The following WDTC1 variants were observed in gnomAD, a reference collection of about 807,000 sequenced individuals.
WDTC1 encodes WD and tetratricopeptide repeats protein 1.
A neutral mutation model predicts 76.0 loss-of-function variants in WDTC1; 12 were observed. The observed-to-expected ratio is 0.16, with a 90% CI of 0.10 to 0.26. The LOEUF is 0.26. WDTC1 is among the 10% of genes least tolerant of loss of function. WDTC1 has a pLI of 1.00. For synonymous variants in WDTC1, 326 were observed against 350.8 expected, an observed-to-expected ratio of 0.93 and a Z score of 0.79; for missense variants, 511 against 908.8, an observed-to-expected ratio of 0.56 and a Z score of 5.63.
intron 3 of WDTC1, among the ~76,000 whole-genome samples, chr1:27,281,753 C>A (rs1406910240): frequency 6.6e-6 from 1 of 152,032 alleles, no homozygotes; most frequent in Admixed American, 6.6e-5. Flanking sequence ...CCACACCCAA[C>A]TAATTTTTGT....
chr1:27,247,834 T>G (rs1225987501), intron 1 of WDTC1, among the ~76,000 whole-genome samples: 1 of 151,858 alleles, frequency 6.6e-6, no homozygotes, highest in Non-Finnish European at 1.5e-5. Context: ...TTCTCCTGCC[T>G]CAGCCTCCCA....
intron 3 of WDTC1, among the ~76,000 whole-genome samples, chr1:27,280,608 TAGAG>T (rs955129701): frequency 2.0e-5 from 3 of 152,246 alleles, no homozygotes; most frequent in African/African-American, 7.2e-5. Context: ...TTTAAGAAGT[TAGAG>T]AGAAGCACTT....
chr1:27,288,016 A>G (rs1360219081), intron 6 of WDTC1, among the ~76,000 whole-genome samples, 155 bp downstream of exon 6: 1 of 152,120 alleles, frequency 6.6e-6, no homozygotes, highest in East Asian at 1.9e-4. Flanking sequence ...CACTGGGAAC[A>G]TTTGCTTACT....
rs2013964454 is a variant in WDTC1, at chr1:27,306,685, C to T, written c.*302C>T. The T allele has an allele frequency of 2.3e-6, 1 of 426,780 alleles. No individual in the cohort carries two copies. The highest frequency in any genetic ancestry group is 4.5e-5 in the East Asian group (1 of 22,374). 26.4% of individuals were successfully genotyped at this position (426,780 alleles called of 1,614,324 possible). A position where few individuals can be genotyped will look rare whatever the true frequency, so the allele number is the denominator to read the frequency against. ...TGGAGGGCTCTGGCCTGCCTCAAAACCCCTTCTGCCTCAGGTGGGGAGGAA... is the reference window on the plus strand; with the variant it reads ...TGGAGGGCTCTGGCCTGCCTCAAAATCCCTTCTGCCTCAGGTGGGGAGGAA... On this transcript the variant is annotated 3_prime_UTR_variant, in exon 16 of 16. Coordinates refer to ENST00000319394, the MANE Select transcript of WDTC1 (RefSeq NM_001276252.2). This position sits in a 1 kb window ranked among gnomAD's most constrained non-coding sequence, Gnocchi z 5.0.
intron 1 of WDTC1, among the ~76,000 whole-genome samples, chr1:27,254,605 G>A (rs1272638931): frequency 4.6e-5 from 7 of 151,532 alleles, no homozygotes; most frequent in Non-Finnish European, 7.4e-5. Flanking sequence ...AAAAAAAAAA[G>A]AATGCTAAGT....
chr1:27,265,242 A>G (rs549543102), intron 3 of WDTC1, among the ~76,000 whole-genome samples: 64 of 152,264 alleles, frequency 4.2e-4, no homozygotes, highest in African/African-American at 1.4e-3. Flanking sequence ...TTTTTTTCAT[A>G]TACTTCAACC....
Position 27,305,554 on chromosome 1 carries a change from G to A in WDTC1, c.1836+361G>A, listed in dbSNP as rs991074896. On this transcript the variant is annotated intron_variant, in intron 15 of 15. Coordinates refer to ENST00000319394, the MANE Select transcript of WDTC1 (RefSeq NM_001276252.2). This position sits in a 1 kb window ranked among gnomAD's most constrained non-coding sequence, Gnocchi z 4.6. ...TGACAGCACCACCTTGAAAGGTTGT[G>A]GTGAGAAGTAAAGAAGAGATGCCTG... is the stretch of plus-strand genomic sequence containing the variant. Among the ~76,000 whole-genome samples the A allele has an allele frequency of 6.6e-6, 1 of 152,146 alleles. No individual in the cohort carries two copies. Among genetic ancestry groups the A allele is most frequent in the African/African-American group, 2.4e-5 (1 of 41,422 alleles).
At chr1:27,254,911 G>A (rs2012224589) in intron 1 of WDTC1, among the ~76,000 whole-genome samples, 1 of 151,652 alleles carries the variant, frequency 6.6e-6, no homozygotes, top group South Asian at 2.1e-4. Flanking sequence ...ACAGGCGTAA[G>A]CCACCGTGCC....
intron 11 of WDTC1, 84 bp from the exon 12 acceptor site, chr1:27,297,854 G>A (rs2013733316): frequency 1.4e-6 from 2 of 1,420,294 alleles, no homozygotes; most frequent in Non-Finnish European, 1.9e-6. Context: ...AAATCTGGGT[G>A]GCCCTCAGGC....
intron 1 of WDTC1, among the ~76,000 whole-genome samples, chr1:27,258,556 AGAAAG>A (rs1235817123): frequency 1.3e-5 from 2 of 151,798 alleles, no homozygotes; most frequent in Non-Finnish European, 1.5e-5. Context: ...AAAAAAGAAA[AGAAAG>A]GGAGGGAGGG....
intron 3 of WDTC1, among the ~76,000 whole-genome samples, chr1:27,278,747 C>T (rs1370586132): frequency 6.6e-6 from 1 of 152,212 alleles, no homozygotes; most frequent in East Asian, 1.9e-4. Context: ...TGCTACTTCT[C>T]AGCATTCAGA....
At chr1:27,263,078 G>C in intron 2 of WDTC1, 74 bp from the exon 3 acceptor site, 1 of 1,520,310 alleles carries the variant, frequency 6.6e-7, no homozygotes, top group African/African-American at 1.4e-5. Flanking sequence ...GGAAAGAGCT[G>C]GATATATAAT....
chr1:27,275,239 A>G (rs1482575726), intron 3 of WDTC1, among the ~76,000 whole-genome samples: 1 of 152,210 alleles, frequency 6.6e-6, no homozygotes, highest in Non-Finnish European at 1.5e-5. Context: ...TTATGGAAAC[A>G]AGTCATATGA....
At chr1:27,253,514 CTTT>C (rs544974118) in intron 1 of WDTC1, among the ~76,000 whole-genome samples, 7 of 129,936 alleles carry the variant, frequency 5.4e-5, no homozygotes, top group Admixed American at 8.1e-5. Context: ...TTCTTTCTTT[CTTT>C]TTTTTTTTTT....
chr1:27,236,783 G>A (rs1557471274), intron 1 of WDTC1, among the ~76,000 whole-genome samples: 1 of 152,120 alleles, frequency 6.6e-6, no homozygotes, highest in Non-Finnish European at 1.5e-5. Context: ...GGAAGATCTA[G>A]ACTATGACTT....
At chr1:27,300,025 T>C (rs1449272731) in intron 12 of WDTC1, among the ~76,000 whole-genome samples, 1 of 152,162 alleles carries the variant, frequency 6.6e-6, no homozygotes, top group Non-Finnish European at 1.5e-5. Flanking sequence ...TTCCAAACAG[T>C]GCCTGCTCCT....
intron 3 of WDTC1, among the ~76,000 whole-genome samples, chr1:27,273,090 A>G (rs560151874): frequency 2.0e-5 from 3 of 152,236 alleles, no homozygotes; most frequent in African/African-American, 7.2e-5. Context: ...TAGTCTTGGG[A>G]CAGGGCAAAA....
At chr1:27,263,816 A>G (rs572807652) in intron 3 of WDTC1, among the ~76,000 whole-genome samples, 6 of 152,274 alleles carry the variant, frequency 3.9e-5, no homozygotes, top group African/African-American at 1.4e-4. Context: ...TGGGCAGTGA[A>G]TACAGATTTC....
rs776564914 is a variant in WDTC1 at position 27,296,999 on chromosome 1, G to C, written c.950-49G>C. The C allele has an allele frequency of 1.4e-5, 21 of 1,531,022 alleles. 1 individual carries two copies. The South Asian group carries it at 2.3e-4, about 16-fold the overall frequency. 94.8% of individuals were successfully genotyped at this position (1,531,022 alleles called of 1,614,324 possible). Reference sequence around the variant, plus strand: ...GCTAGAGGGCTGCCAGGAAGAAATGGGTCCTCTTCCTGAGTTGTTGCTGTC... The same window carrying C: ...GCTAGAGGGCTGCCAGGAAGAAATGCGTCCTCTTCCTGAGTTGTTGCTGTC... On this transcript the variant is annotated intron_variant, in intron 10 of 15. Transcript: ENST00000319394.
Sources: allele counts gnomAD v4.1 joint callset (sites outside exome capture counted in the v4.1 genomes callset), GRCh38; gene constraint gnomAD v4.1.1; non-coding constraint Gnocchi (gnomAD v3.1); transcripts MANE v1.5; gene names NCBI Gene and HGNC (gene_info 2026-07-23, HGNC 2026-07-21).